Variants in ABLIM2 observed in about 807,000 individuals in gnomAD.
ABLIM2 encodes the protein actin binding LIM protein family member 2, also known as actin-binding LIM protein 2.
A neutral mutation model predicts 97.7 loss-of-function variants in ABLIM2; 53 were observed. The observed-to-expected ratio is 0.54, with a 90% confidence interval of 0.44 to 0.68. ABLIM2 has a LOEUF of 0.68. Ranked by LOEUF, ABLIM2 falls within the 30% of genes least tolerant of loss-of-function variation. The probability of loss-of-function intolerance (pLI) is 0.00; values close to 1 mark genes in which losing one functional copy is unlikely to be tolerated. For missense variants in ABLIM2, 835 were observed against 867.2 expected (o/e 0.96, Z 0.47); for synonymous variants, 361 against 345.8 (o/e 1.04, Z -0.49).
rs370813956 is a variant in ABLIM2, at chr4:8,128,122, C to T, written c.11-21485G>A. Among the ~76,000 whole-genome samples the T allele has an allele frequency of 9.8e-5, 15 of 152,304 alleles. No homozygotes were observed. The highest frequency in any genetic ancestry group is 1.9e-4 in the East Asian group (1 of 5,176). The stretch of plus-strand genomic sequence containing the variant: ...TCTTCCCGCTGCTGGTGGCTCCAGG[C>T]GCCCTTTGGTATGTGGCTTCAGGGC... On this transcript the variant is annotated intron_variant, in intron 1 of 20. Coordinates refer to ENST00000447017, the MANE Select transcript of ABLIM2 (RefSeq NM_001130083.2). This position sits in a 1 kb window ranked among gnomAD's most constrained non-coding sequence, Gnocchi z 4.9.
chr4:8,041,017 T>G (rs1027136883), intron 9 of ABLIM2, among the ~76,000 whole-genome samples: 1 of 152,194 alleles, frequency 6.6e-6, no homozygotes, highest in Non-Finnish European at 1.5e-5. Context: ...CTCCCTTGTG[T>G]CAAACTAAGA....
At chr4:8,153,888 A>T (rs1714043110) in intron 1 of ABLIM2, among the ~76,000 whole-genome samples, 1 of 151,508 alleles carries the variant, frequency 6.6e-6, no homozygotes, top group South Asian at 2.1e-4. Context: ...TGCCTCCCTC[A>T]CTGTTTCTGT....
chr4:8,111,584 T>C (rs1840350674), intron 1 of ABLIM2, among the ~76,000 whole-genome samples: 1 of 152,196 alleles, frequency 6.6e-6, no homozygotes, highest in African/African-American at 2.4e-5. Flanking sequence ...TCTCTGTGTC[T>C]TATCTAGAAA....
chr4:8,040,371 G>A (rs1371476959), intron 9 of ABLIM2, among the ~76,000 whole-genome samples: 9 of 152,296 alleles, frequency 5.9e-5, no homozygotes, highest in African/African-American at 1.9e-4. Flanking sequence ...AGCACTTTGG[G>A]AGGCCAAGGT....
At chr4:8,040,644 G>C (rs561521515) in intron 9 of ABLIM2, among the ~76,000 whole-genome samples, 1 of 151,754 alleles carries the variant, frequency 6.6e-6, no homozygotes, top group South Asian at 2.1e-4. Flanking sequence ...AGAAAAGCAG[G>C]GCAGAACCCT....
rs550303113 is a variant in ABLIM2 at position 8,149,607 on chromosome 4, C to T, written c.10+9073G>A. Among the ~76,000 whole-genome samples, 33 of 151,798 alleles carry T rather than the reference C, an allele frequency of 2.2e-4. No homozygotes were observed. In the South Asian group the frequency reaches 6.3e-3, roughly 29 times the overall value. On this transcript the variant is annotated intron_variant, in intron 1 of 20. Coordinates refer to ENST00000447017, the MANE Select transcript of ABLIM2 (RefSeq NM_001130083.2). The surrounding 1 kb of genome is among the most constrained non-coding windows in gnomAD (Gnocchi z 6.4). ...GAGAGGAGGAGGGACTCCAGGGGAGCGGGGGCAGGCAGAAGGCGGCAGGAA... is the reference window on the plus strand; with the variant it reads ...GAGAGGAGGAGGGACTCCAGGGGAGTGGGGGCAGGCAGAAGGCGGCAGGAA...
At chr4:8,039,674 T>C (rs962500381) in intron 9 of ABLIM2, among the ~76,000 whole-genome samples, 2 of 152,168 alleles carry the variant, frequency 1.3e-5, no homozygotes, top group African/African-American at 4.8e-5. Context: ...TAACACAGAA[T>C]GGAAGAACGT....
chr4:7,999,116 AG>A lies in ABLIM2; in HGVS notation c.1619-6190del, dbSNP rs1755384947. Among the ~76,000 whole-genome samples, 1 of 152,018 alleles carries A rather than the reference AG, an allele frequency of 6.6e-6. No homozygotes were observed. The highest frequency in any genetic ancestry group is 1.5e-5 in the Non-Finnish European group (1 of 67,990). On this transcript the variant is annotated intron_variant, in intron 16 of 20. Transcript: ENST00000447017. The surrounding 1 kb of genome is among the most constrained non-coding windows in gnomAD (Gnocchi z 4.4). ...GTTTTGTTCTTGTTCCCCGGGCTGGAGTACAATGGCGTGATCTTGGCTCACT... is the reference window on the plus strand; with the variant it reads ...GTTTTGTTCTTGTTCCCCGGGCTGGATACAATGGCGTGATCTTGGCTCACT...
rs1314198574 is a variant in ABLIM2 at position 8,071,063 on chromosome 4, TC to T, written c.675+6564del. On this transcript the variant is annotated intron_variant, in intron 6 of 20. Coordinates refer to ENST00000447017, the MANE Select transcript of ABLIM2 (RefSeq NM_001130083.2). The surrounding 1 kb of genome is among the most constrained non-coding windows in gnomAD (Gnocchi z 6.2). ...CTCTGAACACATGGCCAGTGGCTTC[TC>T]CTCATCCACACCTCCTCCCTTTATG... Among the ~76,000 whole-genome samples, 1 of 152,126 alleles carries T rather than the reference TC, an allele frequency of 6.6e-6. No homozygotes were observed. The highest frequency in any genetic ancestry group is 1.5e-5 in the Non-Finnish European group (1 of 68,000).
chr4:8,039,055 G>A (rs763690162), intron 9 of ABLIM2, among the ~76,000 whole-genome samples: 4 of 152,106 alleles, frequency 2.6e-5, no homozygotes, highest in Non-Finnish European at 5.9e-5. Context: ...ACAAGTTAGT[G>A]TTGATCTTCA....
chr4:8,027,518 G>A (rs919648470), intron 12 of ABLIM2, among the ~76,000 whole-genome samples: 1 of 152,222 alleles, frequency 6.6e-6, no homozygotes, highest in Non-Finnish European at 1.5e-5. Context: ...CCCTCTTCCT[G>A]TAGCTTTCCA....
intron 10 of ABLIM2, among the ~76,000 whole-genome samples, chr4:8,030,021 C>T (rs1034201276): frequency 3.3e-5 from 5 of 152,124 alleles, no homozygotes; most frequent in African/African-American, 4.8e-5. Flanking sequence ...GTACAGGGAC[C>T]CACTGGCGGG....
At position 8,066,706 on chromosome 4, in the gene ABLIM2, T is replaced by G. The variant is rs936239998; in HGVS notation, c.676-5652A>C. On this transcript the variant is annotated intron_variant, in intron 6 of 20. Transcript: ENST00000447017. ...GGAAAATCCGGAGCAGGCAAATCCA[T>G]GGAGACAGAAAGCAGGTGAGTGGCT... is the stretch of plus-strand genomic sequence containing the variant. The G allele has an allele frequency of 2.0e-5, 3 of 151,396 alleles. No individual in the cohort carries two copies. In the East Asian group the frequency reaches 5.8e-4, roughly 29 times the overall value. 9.4% of individuals were successfully genotyped at this position (151,396 alleles called of 1,614,324 possible). A position where few individuals can be genotyped will look rare whatever the true frequency, so the allele number is the denominator to read the frequency against.
Position 8,082,496 on chromosome 4 carries a change from G to A in ABLIM2, c.455-1694C>T, listed in dbSNP as rs528371489. 5.3e-5 allele frequency among the ~76,000 whole-genome samples: 8 copies of A among 152,336 alleles called. No homozygotes were observed. The South Asian group carries it at 6.2e-4, about 12-fold the overall frequency. On this transcript the variant is annotated intron_variant, in intron 4 of 20. Coordinates refer to ENST00000447017, the MANE Select transcript of ABLIM2 (RefSeq NM_001130083.2). The surrounding 1 kb of genome is among the most constrained non-coding windows in gnomAD (Gnocchi z 5.6). ...AGCTCAGCAGAGGCTGCTTCCCTGCGTGGCTTCATTAGTTTCTTTTGGCAG... is the reference window on the plus strand; with the variant it reads ...AGCTCAGCAGAGGCTGCTTCCCTGCATGGCTTCATTAGTTTCTTTTGGCAG...
chr4:7,977,463 C>A (rs796087848), intron 20 of ABLIM2, among the ~76,000 whole-genome samples: 45 of 152,320 alleles, frequency 3.0e-4, no homozygotes, highest in African/African-American at 1.0e-3. Context: ...CCTGTGGGAA[C>A]CACATTCCCA....
At chr4:8,137,405 T>C (rs1850340852) in intron 1 of ABLIM2, among the ~76,000 whole-genome samples, 1 of 152,024 alleles carries the variant, frequency 6.6e-6, no homozygotes, top group African/African-American at 2.4e-5. Context: ...GCCAAGGGCC[T>C]GGGGAGTGGC....
At chr4:8,027,082 C>T (rs1288860473) in intron 12 of ABLIM2, among the ~76,000 whole-genome samples, 2 of 152,198 alleles carry the variant, frequency 1.3e-5, no homozygotes, top group Non-Finnish European at 2.9e-5. Flanking sequence ...GATCTGTGCC[C>T]ACCCTGAGGA....
Position 8,054,263 on chromosome 4 carries a change from A to G in ABLIM2, c.764-17T>C, listed in dbSNP as rs1797677675. 6 of 1,613,806 alleles carry G rather than the reference A, an allele frequency of 3.7e-6. No homozygotes were observed. Among genetic ancestry groups the G allele is most frequent in the East Asian group, 4.5e-5 (2 of 44,874 alleles). On this transcript the variant is annotated splice_polypyrimidine_tract_variant and intron_variant, in intron 7 of 20. Transcript: ENST00000447017. This position sits in a 1 kb window ranked among gnomAD's most constrained non-coding sequence, Gnocchi z 4.9. ...TGGAGGAACCTGTTGACAAATTCCC[A>G]AGAGGGAAATGATTAGAGTTATTTC...
At position 8,023,024 on chromosome 4, in the gene ABLIM2, CCT is replaced by C. The variant is rs1199667570; in HGVS notation, c.1268-2723_1268-2722del. 1.3e-5 allele frequency: 2 copies of C among 152,386 alleles called. No individual in the cohort carries two copies. Among genetic ancestry groups the C allele is most frequent in the African/African-American group, 4.9e-5 (2 of 41,016 alleles). 9.4% of individuals were successfully genotyped at this position (152,386 alleles called of 1,614,324 possible). On this transcript the variant is annotated intron_variant, in intron 12 of 20. Coordinates refer to ENST00000447017, the MANE Select transcript of ABLIM2 (RefSeq NM_001130083.2). This position sits in a 1 kb window ranked among gnomAD's most constrained non-coding sequence, Gnocchi z 5.7. ...TCCTCCTCTTCCTCCTTCACTTTTT[CCT>C]CTTTCTCCTCCTCCTCCTCCTTCTT... is the stretch of plus-strand genomic sequence containing the variant.
Sources: allele counts gnomAD v4.1 joint callset (sites outside exome capture counted in the v4.1 genomes callset), GRCh38; gene constraint gnomAD v4.1.1; non-coding constraint Gnocchi (gnomAD v3.1); transcripts MANE v1.5; gene names NCBI Gene and HGNC (gene_info 2026-07-23, HGNC 2026-07-21).